The following PNLIP variants were observed in gnomAD, a reference collection of about 807,000 sequenced individuals.
PNLIP encodes the protein pancreatic triacylglycerol lipase.
PNLIP carries 49 observed loss-of-function variants against 57.1 expected under a neutral mutation model. The observed-to-expected ratio is 0.86, with a 90% CI of 0.68 to 1.09. The LOEUF (loss-of-function observed/expected upper bound fraction) is 1.09. Ranked by LOEUF, PNLIP falls within the 50% of genes least tolerant of loss-of-function variation. The pLI is 0.00. For synonymous variants in PNLIP, 209 were observed against 200.4 expected (o/e 1.04, Z -0.36); for missense variants, 503 against 570.2 (o/e 0.88, Z 1.20).
In PNLIP at chr10:116,567,772, G is replaced by T. The variant is rs1465575823; in HGVS notation, c.1372G>T (p.Val458Phe). ...TAGTCCAGAAACCGTCAGGGAGGAA[G>T]TTCTGCTCACCCTCACACCGTGTTA... is the stretch of plus-strand genomic sequence containing the variant. ...FCSPETVREEVLLTLTPC is the reference protein window; with the variant it reads ...FCSPETVREEFLLTLTPC Residue 458 changes from valine (V) to phenylalanine (F), a missense_variant, in exon 13 of 13, where the codon GTT becomes TTT. By Grantham distance (50) the Val-to-Phe change is conservative. Coordinates refer to ENST00000369221, the MANE Select transcript of PNLIP (RefSeq NM_000936.4). 1.5e-5 allele frequency: 25 copies of T among 1,613,830 alleles called. No individual in the cohort carries two copies. The highest frequency in any genetic ancestry group is 2.0e-5 in the Non-Finnish European group (24 of 1,179,790).
chr10:116,558,581 A>C (rs1282404806), intron 9 of PNLIP, among the ~76,000 whole-genome samples: 2 of 151,640 alleles, frequency 1.3e-5, no homozygotes, highest in Admixed American at 1.3e-4. Flanking sequence ...AAAATAGAAG[A>C]TAGATACACA....
intron 10 of PNLIP, 61 bp downstream of exon 10, chr10:116,559,344 C>G (rs537530734): frequency 7.8e-7 from 1 of 1,287,816 alleles, no homozygotes; most frequent in Non-Finnish European, 1.1e-6. Context: ...ATTATGTCCA[C>G]TGAAAATGTG....
At chr10:116,551,713 A>T (rs1354452410) in intron 5 of PNLIP, among the ~76,000 whole-genome samples, 1 of 152,178 alleles carries the variant, frequency 6.6e-6, no homozygotes, top group East Asian at 1.9e-4. Context: ...CTGGATAACA[A>T]CTCTTCATGT....
intron 4 of PNLIP, 43 bp from the exon 5 acceptor site, chr10:116,551,055 A>G: frequency 2.7e-6 from 4 of 1,483,526 alleles, no homozygotes; most frequent in South Asian, 2.7e-5. Context: ...TAATTAATAA[A>G]GATCCTGAAT....
At position 116,560,442 on chromosome 10, in the gene PNLIP, C is replaced by A. The variant is rs780300295; in HGVS notation, c.1087C>A (p.Leu363Met). The A allele has an allele frequency of 3.1e-6, 5 of 1,604,826 alleles. No individual in the cohort carries two copies. The highest frequency in any genetic ancestry group is 4.3e-6 in the Non-Finnish European group (5 of 1,174,714). The stretch of plus-strand genomic sequence containing the variant: ...TTGGAGGTATAAGGTATCTGTCACA[C>A]TGTCTGGAAAAAAGGTTACAGGACA... Reference protein sequence around the residue: ...ARWRYKVSVTLSGKKVTGHIL... With the variant: ...ARWRYKVSVTMSGKKVTGHIL... Residue 363 changes from leucine (L) to methionine (M), a missense_variant, in exon 11 of 13, where the codon CTG (leucine) becomes ATG (methionine). Physicochemically the swap from Leu to Met is conservative, Grantham distance 15. Coordinates refer to ENST00000369221, the MANE Select transcript of PNLIP (RefSeq NM_000936.4).
rs1194558467 is a variant in PNLIP, at chr10:116,551,181, G to A, written c.408G>A (p.Gln136=). The A allele has an allele frequency of 1.9e-6, 3 of 1,611,894 alleles. No individual in the cohort carries two copies. In the South Asian group the frequency reaches 3.3e-5, roughly 18 times the overall value. The change falls in exon 5 of 13, where the codon CAG becomes CAA. Residue 136 remains glutamine, a synonymous_variant. Transcript: ENST00000369221. ...GSRTGYTQAS[Q]NIRIVGAEVA... Reference sequence around the variant, plus strand: ...GAACTGGATACACACAAGCCTCGCAGAACATCAGGATCGTGGGAGCAGAAG... The same window carrying A: ...GAACTGGATACACACAAGCCTCGCAAAACATCAGGATCGTGGGAGCAGAAG...
Position 116,555,440 on chromosome 10 carries a change from A to AGT in PNLIP, c.746_747dup (p.Glu250TrpfsTer17). On this transcript the variant is annotated frameshift_variant, in exon 8 of 13. Transcript: ENST00000369221. LOFTEE classifies it high-confidence loss of function. The stretch of plus-strand genomic sequence containing the variant: ...ACCTAGATTTCTTTCCAAATGGAGG[A>AGT]GTGGAAATGCCTGGATGTAAAAAGA... 6 of 1,614,054 alleles carry AGT rather than the reference A, an allele frequency of 3.7e-6. No individual in the cohort carries two copies. Among genetic ancestry groups the AGT allele is most frequent in the Non-Finnish European group, 5.1e-6 (6 of 1,179,920 alleles).
rs1847289812 is a variant in PNLIP at position 116,559,331 on chromosome 10, A to C, written c.1060+48A>C. The C allele has an allele frequency of 5.1e-6, 7 of 1,384,892 alleles. No homozygotes were observed. In the East Asian group the frequency reaches 1.6e-4, roughly 32 times the overall value. The allele number at this position is 1,384,892 out of a possible 1,614,324, so 85.8% of individuals were successfully genotyped here. ...TTATATTCTTATTGCTATATATTTT[A>C]TTATTATGTCCACTGAAAATGTGCA... On this transcript the variant is annotated intron_variant, in intron 10 of 12. Coordinates refer to ENST00000369221, the MANE Select transcript of PNLIP (RefSeq NM_000936.4).
intron 1 of PNLIP, 28 bp downstream of exon 1, chr10:116,545,986 T>C (rs1847118528): frequency 1.4e-5 from 13 of 941,616 alleles, no homozygotes; most frequent in Non-Finnish European, 2.1e-5. Context: ...TTTCCAGGCC[T>C]AATTGATCAG....
At chr10:116,562,222 C>A (rs1847322752) in intron 12 of PNLIP, among the ~76,000 whole-genome samples, 1 of 152,158 alleles carries the variant, frequency 6.6e-6, no homozygotes, top group Non-Finnish European at 1.5e-5. Flanking sequence ...CTGAGGCAAG[C>A]ACTGTGCTTC....
Position 116,546,015 on chromosome 10 carries a change from C to T in PNLIP, c.-1+57C>T, listed in dbSNP as rs369469117. 269 of 1,214,116 alleles carry T rather than the reference C, an allele frequency of 2.2e-4. 2 individuals carry two copies. The African/African-American group carries it at 2.4e-3, about 11-fold the overall frequency. The allele number at this position is 1,214,116 out of a possible 1,614,324, so 75.2% of individuals were successfully genotyped here. On this transcript the variant is annotated intron_variant, in intron 1 of 12. Transcript: ENST00000369221. ...TGATCAGAATGTATCCATTTTCCCC[C>T]AGAGGTCTAAATGAACTAAAACTTG... is the stretch of plus-strand genomic sequence containing the variant.
At chr10:116,547,257 A>C (rs1847135836) in intron 2 of PNLIP, 37 bp from the exon 3 acceptor site, 1 of 1,603,320 alleles carries the variant, frequency 6.2e-7, no homozygotes, top group African/African-American at 1.3e-5. Flanking sequence ...TAAAAAGAGC[A>C]TGTTTGTAAA....
intron 3 of PNLIP, among the ~76,000 whole-genome samples, chr10:116,547,705 G>T (rs1376357121): frequency 8.0e-6 from 1 of 124,530 alleles, no homozygotes; most frequent in Non-Finnish European, 1.6e-5. Context: ...CAGCCTGGGC[G>T]ACACAGTGAG....
intron 6 of PNLIP, 73 bp from the exon 7 acceptor site, chr10:116,555,105 A>G (rs1332944520): frequency 1.3e-5 from 20 of 1,529,832 alleles, no homozygotes; most frequent in Non-Finnish European, 1.8e-5. Flanking sequence ...CTTTCCATGC[A>G]TAACTCATAT....
At position 116,566,693 on chromosome 10, in the gene PNLIP, T is replaced by G. The variant is rs948344755; in HGVS notation, c.1335-1042T>G. On this transcript the variant is annotated intron_variant, in intron 12 of 12. Transcript: ENST00000369221. ...TGAATTTCTATGCAGGAAGTTTGAC[T>G]CTACAAAATTCTTAACTACTACAAA... is the stretch of plus-strand genomic sequence containing the variant. Among the ~76,000 whole-genome samples, 36 of 152,224 alleles carry G rather than the reference T, an allele frequency of 2.4e-4. 1 individual carries two copies. Among genetic ancestry groups the G allele is most frequent in the Admixed American group, 2.4e-3 (36 of 15,286 alleles).
intron 3 of PNLIP, among the ~76,000 whole-genome samples, chr10:116,547,993 C>A (rs1022661899): frequency 2.0e-5 from 3 of 151,730 alleles, no homozygotes; most frequent in African/African-American, 7.3e-5. Context: ...AGTATATAAA[C>A]ATTCCCAATA....
chr10:116,551,902 G>A (rs796946228), intron 5 of PNLIP, among the ~76,000 whole-genome samples: 13 of 152,238 alleles, frequency 8.5e-5, no homozygotes, highest in East Asian at 1.9e-4. Flanking sequence ...CTCCCTCTGC[G>A]CGCCTCATTG....
At chr10:116,556,299 T>G (rs1025930973) in intron 9 of PNLIP, among the ~76,000 whole-genome samples, 181 bp downstream of exon 9, 31 of 152,234 alleles carry the variant, frequency 2.0e-4, no homozygotes, top group South Asian at 4.1e-4. Flanking sequence ...AGCTTGTACA[T>G]GGAAATGTCC....
chr10:116,558,361 A>AT (rs765416629), intron 9 of PNLIP, among the ~76,000 whole-genome samples: 83 of 150,684 alleles, frequency 5.5e-4, no homozygotes, highest in Non-Finnish European at 7.5e-4. Flanking sequence ...TGCCCGGCTA[A>AT]TTTTTTGTAT....
Sources: allele counts gnomAD v4.1 joint callset (sites outside exome capture counted in the v4.1 genomes callset), GRCh38; gene constraint gnomAD v4.1.1; transcripts MANE v1.5; gene names NCBI Gene and HGNC (gene_info 2026-07-23, HGNC 2026-07-21).